Variants in LOC112694756 observed in about 807,000 individuals in gnomAD.
the LOC112694756 span, among the ~76,000 whole-genome samples, chr16:30,061,479 G>A: frequency 6.6e-6 from 1 of 150,652 alleles, no homozygotes; most frequent in Non-Finnish European, 1.5e-5. Flanking sequence ...GCTCAAGAGG[G>A]ATTGCAGGCA....
At chr16:30,069,511 G>A in the LOC112694756 span, 5 of 1,614,130 alleles carry the variant, frequency 3.1e-6, no homozygotes, top group Non-Finnish European at 4.2e-6. Context: ...GCTGGCTGCT[G>A]TCTACAAGGC....
chr16:30,055,686 T>G, the LOC112694756 span, among the ~76,000 whole-genome samples: 2 of 152,282 alleles, frequency 1.3e-5, no homozygotes, highest in South Asian at 4.1e-4. Flanking sequence ...GTATAGGGCC[T>G]CTTTACGGAC....
the LOC112694756 span, chr16:30,069,163 G>A: frequency 7.6e-7 from 1 of 1,321,452 alleles, no homozygotes; most frequent in Admixed American, 1.9e-5. Context: ...ATCTGAGGCG[G>A]CTCTTGTCTC....
chr16:30,057,241 T>C, the LOC112694756 span, among the ~76,000 whole-genome samples: 1 of 152,120 alleles, frequency 6.6e-6, no homozygotes, highest in Non-Finnish European at 1.5e-5. Context: ...GACATCACAC[T>C]TCGCCACCTA....
At chr16:30,055,345 C>G in the LOC112694756 span, 1 of 399,144 alleles carries the variant, frequency 2.5e-6, no homozygotes, top group Non-Finnish European at 4.4e-6. Context: ...CCATTCCTAC[C>G]CCCTGCCCCA....
At chr16:30,067,485 G>C in the LOC112694756 span, 1 of 1,613,254 alleles carries the variant, frequency 6.2e-7, no homozygotes, top group Non-Finnish European at 8.5e-7. Context: ...CATTGGCACC[G>C]AGAACACCGA....
the LOC112694756 span, chr16:30,069,688 C>T: frequency 6.2e-7 from 1 of 1,613,168 alleles, no homozygotes; most frequent in Non-Finnish European, 8.5e-7. Flanking sequence ...GGCCCACACT[C>T]ATCTTGATCT....
chr16:30,068,556 T>G, the LOC112694756 span: 3 of 1,439,622 alleles, frequency 2.1e-6, no homozygotes, highest in African/African-American at 2.8e-5. Flanking sequence ...TGAGCTGAGA[T>G]TCCACCACTG....
At chr16:30,053,186 A>G in the LOC112694756 span, 1 of 152,474 alleles carries the variant, frequency 6.6e-6, no homozygotes, top group African/African-American at 2.4e-5. Flanking sequence ...TTGGCGCGGA[A>G]TCCGTGAATT....
At chr16:30,060,199 G>A in the LOC112694756 span, among the ~76,000 whole-genome samples, 2 of 152,064 alleles carry the variant, frequency 1.3e-5, no homozygotes, top group Non-Finnish European at 2.9e-5. Flanking sequence ...GGCTAGTCTT[G>A]AACTCCTGAT....
the LOC112694756 span, among the ~76,000 whole-genome samples, chr16:30,054,334 A>G: frequency 6.6e-6 from 1 of 152,032 alleles, no homozygotes; most frequent in Non-Finnish European, 1.5e-5. Flanking sequence ...AATAATAATA[A>G]AATAAATAAT....
the LOC112694756 span, among the ~76,000 whole-genome samples, chr16:30,056,611 C>A: frequency 6.6e-6 from 1 of 151,958 alleles, no homozygotes; most frequent in Admixed American, 6.6e-5. Flanking sequence ...CTATCCCCCG[C>A]CTTTTTTGAG....
At chr16:30,069,318 C>T in the LOC112694756 span, 49 of 1,614,068 alleles carry the variant, frequency 3.0e-5, no homozygotes, top group Non-Finnish European at 4.1e-5. Context: ...TGGCATTGTG[C>T]CCATCGTGGA....
the LOC112694756 span, chr16:30,066,998 C>G: frequency 2.7e-5 from 43 of 1,564,442 alleles, 1 homozygote; most frequent in Non-Finnish European, 3.3e-5. Flanking sequence ...CAACTCCACC[C>G]TCAGCTGGGC....
At chr16:30,069,540 C>G in the LOC112694756 span, 1 of 1,614,172 alleles carries the variant, frequency 6.2e-7, no homozygotes, top group Non-Finnish European at 8.5e-7. Context: ...ACCACCACAT[C>G]TACCTGGAAG....
At chr16:30,058,986 C>T in the LOC112694756 span, 1 of 398,576 alleles carries the variant, frequency 2.5e-6, no homozygotes, top group Non-Finnish European at 4.4e-6. Flanking sequence ...CAGGCCATTA[C>T]AACAGAGGGT....
the LOC112694756 span, chr16:30,070,104 T>C: frequency 3.1e-6 from 5 of 1,613,836 alleles, no homozygotes; most frequent in Non-Finnish European, 4.2e-6. Flanking sequence ...ACTCCACCCC[T>C]CTCCCTGCTT....
the LOC112694756 span, chr16:30,069,012 A>G: frequency 6.2e-7 from 1 of 1,613,748 alleles, no homozygotes; most frequent in South Asian, 1.1e-5. Flanking sequence ...GCAACCTCCT[A>G]CCTCATTTGG....
the LOC112694756 span, among the ~76,000 whole-genome samples, chr16:30,057,754 A>T: frequency 6.6e-6 from 1 of 152,074 alleles, no homozygotes; most frequent in Non-Finnish European, 1.5e-5. Flanking sequence ...GAAGGGCAAA[A>T]GGAGGAGACC....
Sources: gnomAD v4.1 joint callset for allele counts (sites outside exome capture counted in the v4.1 genomes callset) on GRCh38, gnomAD v4.1.1 for gene constraint, MANE v1.5 for transcripts.